Variants in SNX27 observed in about 807,000 individuals in gnomAD.
The protein encoded by SNX27 is sorting nexin-27.
Under a neutral mutation model 71.6 loss-of-function variants are expected in SNX27, and 22 were observed. That is an observed-to-expected ratio of 0.31 (90% CI 0.22 to 0.44). The LOEUF is 0.44. Ranked by LOEUF, SNX27 falls within the 20% of genes least tolerant of loss-of-function variation. SNX27 has a pLI of 1.00. For missense variants in SNX27, 531 were observed against 698.6 expected (o/e 0.76, Z 2.70); for synonymous variants, 269 against 277.2 (o/e 0.97, Z 0.29).
chr1:151,690,604 A>C (rs1263807698), intron 8 of SNX27, among the ~76,000 whole-genome samples: 2 of 151,164 alleles, frequency 1.3e-5, no homozygotes, highest in African/African-American at 2.4e-5. Flanking sequence ...GTGCCCGGCA[A>C]ATTTTTTTTT....
chr1:151,661,058 A>G (rs1446491257), intron 4 of SNX27, 196 bp downstream of exon 4: 1 of 511,568 alleles, frequency 2.0e-6, no homozygotes. Context: ...TGCCAGGCCC[A>G]CTTTCTCTTT....
chr1:151,651,238 C>T (rs556085737), intron 2 of SNX27, among the ~76,000 whole-genome samples: 45 of 150,622 alleles, frequency 3.0e-4, no homozygotes, highest in African/African-American at 1.1e-3. Flanking sequence ...GGGCTGACCC[C>T]CCGACCTCCC....
chr1:151,641,971 ATATATC>A (rs1461502340), intron 2 of SNX27, among the ~76,000 whole-genome samples: 11 of 131,764 alleles, frequency 8.3e-5, no homozygotes, highest in African/African-American at 3.1e-4. Context: ...TGAGATATAT[ATATATC>A]AGATATAGAT....
chr1:151,631,232 A>C (rs1272581093), intron 1 of SNX27, among the ~76,000 whole-genome samples: 1 of 152,204 alleles, frequency 6.6e-6, no homozygotes, highest in African/African-American at 2.4e-5. Flanking sequence ...TAAGCAGTGA[A>C]CCAGTGAAAA....
At chr1:151,690,577 A>G (rs1671391239) in intron 8 of SNX27, among the ~76,000 whole-genome samples, 1 of 151,540 alleles carries the variant, frequency 6.6e-6, no homozygotes, top group Admixed American at 6.6e-5. Flanking sequence ...CACCCTCCCA[A>G]GTAGCTAGGA....
chr1:151,612,566 G>A lies in SNX27; in HGVS notation c.311+54G>A. On this transcript the variant is annotated intron_variant, in intron 1 of 11. Transcript: ENST00000458013. The surrounding 1 kb of genome is among the most constrained non-coding windows in gnomAD (Gnocchi z 5.2). ...TCCTCCCCGCGCCCCTCCTGCCCCT[G>A]CACTCCTCGCTACCCTTGTCACCCC... 8.2e-7 allele frequency: 1 copy of A among 1,217,832 alleles called. No homozygotes were observed. Among genetic ancestry groups the A allele is most frequent in the Non-Finnish European group, 1.0e-6 (1 of 958,080 alleles). 75.4% of individuals were successfully genotyped at this position (1,217,832 alleles called of 1,614,324 possible).
chr1:151,630,761 C>T (rs35654949), intron 1 of SNX27, among the ~76,000 whole-genome samples: 29,040 of 152,130 alleles, frequency 0.19, 3,131 homozygotes, highest in Middle Eastern at 0.34. Flanking sequence ...CGGCCGGGCA[C>T]GGTGGCTCAC....
At chr1:151,660,883 G>C in intron 4 of SNX27, 21 bp downstream of exon 4, 2 of 1,583,592 alleles carry the variant, frequency 1.3e-6, no homozygotes. Context: ...ATCTCTTTTA[G>C]TGATTATTTT....
chr1:151,657,376 C>G (rs1002566757), intron 2 of SNX27, among the ~76,000 whole-genome samples: 1 of 152,112 alleles, frequency 6.6e-6, no homozygotes, highest in African/African-American at 2.4e-5. Flanking sequence ...CCATGTTGCC[C>G]AGGCTGGTCT....
chr1:151,636,174 T>A (rs891393226), intron 1 of SNX27, among the ~76,000 whole-genome samples: 2 of 152,166 alleles, frequency 1.3e-5, no homozygotes, highest in South Asian at 2.1e-4. Context: ...GATAAAAAAT[T>A]CTTTAAAGGA....
At chr1:151,615,128 T>G (rs1461415116) in intron 1 of SNX27, among the ~76,000 whole-genome samples, 3 of 152,214 alleles carry the variant, frequency 2.0e-5, no homozygotes, top group Non-Finnish European at 4.4e-5. Flanking sequence ...TTTGTCACTT[T>G]TAGTGGGCAG....
intron 7 of SNX27, among the ~76,000 whole-genome samples, chr1:151,672,291 T>G (rs1362377011): frequency 1.3e-5 from 2 of 152,342 alleles, no homozygotes; most frequent in East Asian, 3.9e-4. Flanking sequence ...TGATATGCTG[T>G]GTCACATTGA....
chr1:151,669,511 G>GT (rs1349121053), intron 7 of SNX27: 1 of 152,094 alleles, frequency 6.6e-6, no homozygotes, highest in East Asian at 1.9e-4. Context: ...GACCCATCAG[G>GT]TAGTTCATGA....
At chr1:151,649,014 G>A (rs370678027) in intron 2 of SNX27, among the ~76,000 whole-genome samples, 2 of 151,912 alleles carry the variant, frequency 1.3e-5, no homozygotes, top group South Asian at 4.2e-4. Context: ...CCAGGCTGGA[G>A]TTCAGTGGTA....
chr1:151,663,379 T>C (rs1018844882), intron 5 of SNX27, among the ~76,000 whole-genome samples: 15 of 152,236 alleles, frequency 9.9e-5, no homozygotes, highest in African/African-American at 3.6e-4. Context: ...CTGAATCTCC[T>C]GACCTCATGA....
In SNX27 at chr1:151,662,161, C is replaced by T. The variant is rs746731535; in HGVS notation, c.802-5C>T. The T allele has an allele frequency of 1.2e-6, 2 of 1,607,828 alleles. No homozygotes were observed. The highest frequency in any genetic ancestry group is 2.2e-5 in the South Asian group (2 of 90,858). On this transcript the variant is annotated splice_region_variant and splice_polypyrimidine_tract_variant and intron_variant, in intron 4 of 11. Coordinates refer to ENST00000458013, the MANE Select transcript of SNX27 (RefSeq NM_001330723.2). ...TAAATTATTTCTCTATGTCTTTTCC[C>T]CCAGAACTACAATGGTGTGTCCGAC...
At chr1:151,642,831 G>A (rs12746897) in intron 2 of SNX27, among the ~76,000 whole-genome samples, 29,000 of 151,948 alleles carry the variant, frequency 0.19, 3,130 homozygotes, top group Middle Eastern at 0.34. Context: ...TAGTAGAGAC[G>A]GGGTTTCACT....
chr1:151,692,816 TTTCTC>T, intron 9 of SNX27, 90 bp from the exon 10 acceptor site: 3 of 1,539,124 alleles, frequency 1.9e-6, no homozygotes, highest in African/African-American at 2.7e-5. Flanking sequence ...CATCCATTCA[TTTCTC>T]TTCTGTCTCC....
intron 2 of SNX27, among the ~76,000 whole-genome samples, chr1:151,656,210 C>T (rs866668554): frequency 2.5e-5 from 3 of 121,060 alleles, no homozygotes; most frequent in Admixed American, 2.3e-4. Context: ...GGTGACAGAG[C>T]GAGACTCCGT....
Sources: allele counts gnomAD v4.1 joint callset (sites outside exome capture counted in the v4.1 genomes callset), GRCh38; gene constraint gnomAD v4.1.1; non-coding constraint Gnocchi (gnomAD v3.1); transcripts MANE v1.5; gene names NCBI Gene and HGNC (gene_info 2026-07-23, HGNC 2026-07-21).